Variants in LRP1B observed in about 807,000 individuals in gnomAD.
LRP1B encodes LDL receptor related protein 1B.
Under a neutral mutation model 556.6 loss-of-function variants are expected in LRP1B, and 217 were observed. The observed-to-expected ratio is 0.39, with a 90% CI of 0.35 to 0.44. The LOEUF is 0.44. LRP1B is among the 20% of genes least tolerant of loss of function. LRP1B has a pLI of 1.00. For synonymous variants in LRP1B, 2,047 were observed against 1,865.8 expected (o/e 1.10, Z -2.50); for missense variants, 5,053 against 5,620.8 (o/e 0.90, Z 3.23).
At chr2:141,067,500 C>T (rs1699509977) in intron 7 of LRP1B, among the ~76,000 whole-genome samples, 1 of 152,006 alleles carries the variant, frequency 6.6e-6, no homozygotes. Context: ...TGGACTCCCA[C>T]TGTCGGCTGG....
chr2:142,018,203 T>C, intron 1 of LRP1B, among the ~76,000 whole-genome samples: 1 of 152,218 alleles, frequency 6.6e-6, no homozygotes, highest in Middle Eastern at 3.2e-3. Flanking sequence ...AATGTGCCCA[T>C]AATAACATTA....
At chr2:141,977,290 C>T (rs190505148) in intron 1 of LRP1B, among the ~76,000 whole-genome samples, 1 of 151,948 alleles carries the variant, frequency 6.6e-6, no homozygotes, top group South Asian at 2.1e-4. Context: ...ACTGAAAGGC[C>T]ACTGGGCACG....
At chr2:141,337,993 G>A (rs899641063) in intron 3 of LRP1B, among the ~76,000 whole-genome samples, 5 of 152,116 alleles carry the variant, frequency 3.3e-5, no homozygotes, top group Admixed American at 2.6e-4. Context: ...AAGTTCTATG[G>A]AGGATGCTGA....
intron 27 of LRP1B, among the ~76,000 whole-genome samples, chr2:140,859,154 A>C (rs1573811526): frequency 6.6e-6 from 1 of 152,244 alleles, no homozygotes; most frequent in Non-Finnish European, 1.5e-5. Context: ...GAAGCAAATA[A>C]TTTAAGCAAC....
chr2:141,624,393 G>T (rs961162133), intron 2 of LRP1B, among the ~76,000 whole-genome samples: 1 of 152,126 alleles, frequency 6.6e-6, no homozygotes, highest in Non-Finnish European at 1.5e-5. Context: ...ACAGCTAGTT[G>T]AATAAAAGAG....
chr2:141,026,954 A>T (rs1230225436), intron 11 of LRP1B, among the ~76,000 whole-genome samples: 1 of 152,140 alleles, frequency 6.6e-6, no homozygotes, highest in Admixed American at 6.6e-5. Flanking sequence ...GTTAGTAGTC[A>T]CTATAGCAAG....
chr2:140,558,777 A>T (rs1051912015), intron 43 of LRP1B, among the ~76,000 whole-genome samples: 20 of 151,950 alleles, frequency 1.3e-4, no homozygotes, highest in African/African-American at 4.8e-4. Context: ...TCTACAAAAA[A>T]TACAAAAAAA....
intron 3 of LRP1B, among the ~76,000 whole-genome samples, chr2:141,311,920 C>T (rs1228949401): frequency 1.3e-5 from 2 of 152,088 alleles, no homozygotes; most frequent in Admixed American, 6.6e-5. Context: ...GTGGAAGCTC[C>T]TTTGGGACAG....
chr2:140,319,656 A>G (rs950883476), intron 82 of LRP1B, among the ~76,000 whole-genome samples: 1 of 152,160 alleles, frequency 6.6e-6, no homozygotes, highest in African/African-American at 2.4e-5. Context: ...AGGATTGGGA[A>G]AAATAACTAA....
At chr2:141,970,164 A>C (rs1472884371) in intron 1 of LRP1B, among the ~76,000 whole-genome samples, 1 of 151,564 alleles carries the variant, frequency 6.6e-6, no homozygotes, top group African/African-American at 2.4e-5. Flanking sequence ...AGATCCTTAC[A>C]TATTTTGCAT....
At chr2:140,385,657 T>C (rs1436902710) in intron 67 of LRP1B, among the ~76,000 whole-genome samples, 4 of 152,226 alleles carry the variant, frequency 2.6e-5, no homozygotes, top group Non-Finnish European at 5.9e-5. Context: ...AACCTCATGA[T>C]ACTTTCATAC....
intron 2 of LRP1B, among the ~76,000 whole-genome samples, chr2:141,614,577 A>G (rs557648398): frequency 2.0e-5 from 3 of 152,222 alleles, no homozygotes; most frequent in East Asian, 3.8e-4. Flanking sequence ...ATTGAGACAC[A>G]AAGGCAAATG....
chr2:141,820,560 T>C (rs115947753), intron 1 of LRP1B, among the ~76,000 whole-genome samples: 1,791 of 152,292 alleles, frequency 0.012, 42 homozygotes, highest in African/African-American at 0.042. Flanking sequence ...TAGACGGGCA[T>C]TGAGGAATGA....
intron 1 of LRP1B, among the ~76,000 whole-genome samples, chr2:142,118,088 G>A (rs1037255607): frequency 3.3e-5 from 5 of 152,076 alleles, no homozygotes; most frequent in African/African-American, 1.2e-4. Flanking sequence ...TCTTTTGCCT[G>A]CAGAAGGGAA....
In LRP1B at chr2:141,118,990, C is replaced by G. The variant is rs1700975754; in HGVS notation, c.1014-56717G>C. 2.6e-5 allele frequency among the ~76,000 whole-genome samples: 4 copies of G among 151,836 alleles called. No homozygotes were observed. The South Asian group carries it at 8.3e-4, about 31-fold the overall frequency. On this transcript the variant is annotated intron_variant, in intron 7 of 90. Transcript: ENST00000389484. ...AAAAGTCTGCCTTCTCAGCAGATAG[C>G]TAAGATTTCCATATTGCAGGCTAAC...
rs59469282 is a variant in LRP1B at position 140,872,360 on chromosome 2, A to ATTTTTTTTTTTTT, written c.4170-4110_4170-4098dup. Among the ~76,000 whole-genome samples, 303 of 60,474 alleles carry ATTTTTTTTTTTTT rather than the reference A, an allele frequency of 5.0e-3. 32 individuals are homozygous for ATTTTTTTTTTTTT. The highest frequency in any genetic ancestry group is 6.4e-3 in the Non-Finnish European group (213 of 33,526). The allele number at this position is 60,474 out of a possible 152,430, so 39.7% of individuals were successfully genotyped here. ...GCTTGCTTTTGTATTGTGTCACCTG[A>ATTTTTTTTTTTTT]TTTTTTTTTTTTTTTTTTTTTTTTT... is the stretch of plus-strand genomic sequence containing the variant. On this transcript the variant is annotated intron_variant, in intron 25 of 90. Coordinates refer to ENST00000389484, the MANE Select transcript of LRP1B (RefSeq NM_018557.3).
Position 140,601,577 on chromosome 2 carries a change from A to C in LRP1B, c.6862T>G (p.Ser2288Ala). 1.2e-6 allele frequency: 2 copies of C among 1,613,130 alleles called. No homozygotes were observed. The highest frequency in any genetic ancestry group is 1.7e-6 in the Non-Finnish European group (2 of 1,179,428). The part of the protein sequence containing the change: ...RAWDTLYWTS[S>A]TTSSITRHTV... ...TGTCTGGTGATGGATGAGGTGGTAG[A>C]GCTTGTCCAGTACAGTGTATCCCAG... Residue 2288 changes from serine to alanine, a missense_variant, in exon 42 of 91, where the codon TCT (serine) becomes GCT (alanine). Around this residue, in one of 5 missense-constraint regions of LRP1B, gnomAD observed 3,619 missense variants for 3,931.9 expected, o/e 0.92. Transcript: ENST00000389484.
At chr2:140,470,350 C>T (rs764221743) in intron 60 of LRP1B, among the ~76,000 whole-genome samples, 52 of 152,126 alleles carry the variant, frequency 3.4e-4, no homozygotes, top group Admixed American at 9.2e-4. Context: ...GAGATTAAAA[C>T]GTGGAGATTT....
chr2:140,923,678 A>G (rs1694807578), intron 20 of LRP1B, among the ~76,000 whole-genome samples: 1 of 152,088 alleles, frequency 6.6e-6, no homozygotes, highest in Non-Finnish European at 1.5e-5. Context: ...GATACAAAAA[A>G]ACAGGTAATA....
Sources: allele counts gnomAD v4.1 joint callset (sites outside exome capture counted in the v4.1 genomes callset), GRCh38; gene constraint gnomAD v4.1.1; regional missense constraint gnomAD v4.1.1; transcripts MANE v1.5; gene names NCBI Gene and HGNC (gene_info 2026-07-23, HGNC 2026-07-21).